Variants in POTEI observed in about 807,000 individuals in gnomAD.
The protein encoded by POTEI is POTE ankyrin domain family member I.
Under a neutral mutation model 43.4 loss-of-function variants are expected in POTEI, and 14 were observed. That is an observed-to-expected ratio of 0.32 (90% CI 0.21 to 0.50). POTEI has a LOEUF of 0.50. Among genes scored for constraint, POTEI ranks in the 20% least tolerant of loss-of-function variants. The probability of loss-of-function intolerance (pLI) is 0.98; values close to 1 mark genes in which losing one functional copy is unlikely to be tolerated. For synonymous variants in POTEI, 95 were observed against 297.9 expected, an observed-to-expected ratio of 0.32 and a Z score of 7.01; for missense variants, 235 against 795.4, an observed-to-expected ratio of 0.30 and a Z score of 8.47.
In POTEI at chr2:130,508,807, G is replaced by T; in HGVS notation, c.429C>A (p.Leu143=). Residue 143 remains leucine, a synonymous_variant, in exon 1 of 15, where the codon CTC becomes CTA. Transcript: ENST00000451531. The part of the protein sequence containing the change: ...YHVRREDLDK[L]HRAAWWGKVA... ...CTTTACCCCACCAGGCAGCTCTGTG[G>T]AGCTTGTCCAGATCTTCTCGACGGA... 6.6e-7 allele frequency: 1 copy of T among 1,510,018 alleles called. No individual in the cohort carries two copies. Among genetic ancestry groups the T allele is most frequent in the Non-Finnish European group, 8.8e-7 (1 of 1,132,746 alleles). 93.5% of individuals were successfully genotyped at this position (1,510,018 alleles called of 1,614,324 possible).
At chr2:130,485,071 G>T (rs1573926053) in intron 9 of POTEI, among the ~76,000 whole-genome samples, 5 of 152,380 alleles carry the variant, frequency 3.3e-5, no homozygotes, top group African/African-American at 1.2e-4. Context: ...GCCCAATTTT[G>T]GATCTGACAC....
intron 1 of POTEI, among the ~76,000 whole-genome samples, chr2:130,505,000 T>A (rs1386728299): frequency 7.2e-6 from 1 of 138,978 alleles, no homozygotes; most frequent in Admixed American, 7.2e-5. Flanking sequence ...GTTGTACAGA[T>A]TATTTCATTA....
intron 13 of POTEI, among the ~76,000 whole-genome samples, chr2:130,468,767 A>G (rs1682946606): frequency 6.6e-6 from 1 of 152,134 alleles, no homozygotes; most frequent in African/African-American, 2.4e-5. Flanking sequence ...CAAAATAGCA[A>G]TTTTTATTAC....
In POTEI at chr2:130,509,198, G is replaced by T; in HGVS notation, c.38C>A (p.Ser13Tyr). 6.8e-7 allele frequency: 1 copy of T among 1,480,982 alleles called. No homozygotes were observed. Among genetic ancestry groups the T allele is most frequent in the Non-Finnish European group, 9.1e-7 (1 of 1,102,162 alleles). 91.7% of individuals were successfully genotyped at this position (1,480,982 alleles called of 1,614,324 possible). ...AEVDSMPAAS[S>Y]VKKPFVLRSK... Reference sequence around the variant, plus strand: ...CCTGAGAACAAATGGCTTCTTCACAGAAGAGGCAGCCGGCATTGAATCAAC... The same window carrying T: ...CCTGAGAACAAATGGCTTCTTCACATAAGAGGCAGCCGGCATTGAATCAAC... Residue 13 changes from serine (S) to tyrosine (Y), a missense_variant, in exon 1 of 15, where the codon TCT becomes TAT. Physicochemically the swap from Ser to Tyr is moderately radical, Grantham distance 144. Transcript: ENST00000451531.
Position 130,507,027 on chromosome 2 carries a change from G to A in POTEI, c.521+1688C>T, listed in dbSNP as rs1396970317. Among the ~76,000 whole-genome samples the A allele has an allele frequency of 6.7e-5, 10 of 148,208 alleles. No individual in the cohort carries two copies. The South Asian group carries it at 1.8e-3, about 26-fold the overall frequency. ...CGCCTGTAACCCCAGCACTTGGGGA[G>A]GCCAAGGTGGGTGGATCACGAGGAC... On this transcript the variant is annotated intron_variant, in intron 1 of 14. Transcript: ENST00000451531.
chr2:130,480,481 G>A (rs1391248588), intron 10 of POTEI, among the ~76,000 whole-genome samples: 2 of 150,404 alleles, frequency 1.3e-5, no homozygotes, highest in Non-Finnish European at 1.5e-5. Context: ...TCCCAAACGG[G>A]CAATCTCATT....
intron 10 of POTEI, among the ~76,000 whole-genome samples, chr2:130,479,317 C>T (rs1683316765): frequency 6.7e-6 from 1 of 149,176 alleles, no homozygotes; most frequent in Admixed American, 6.7e-5. Flanking sequence ...TAACGAAGGC[C>T]AACATAGTAA....
Position 130,502,089 on chromosome 2 carries a change from C to T in POTEI, c.810+1357G>A, listed in dbSNP as rs62163634. Reference sequence around the variant, plus strand: ...AGAAAATTGTTGTTGTTGTCGTCGTCGTTGTTGTTGTTGTTGTTGTTAGAG... The same window carrying T: ...AGAAAATTGTTGTTGTTGTCGTCGTTGTTGTTGTTGTTGTTGTTGTTAGAG... On this transcript the variant is annotated intron_variant, in intron 3 of 14. Coordinates refer to ENST00000451531, the MANE Select transcript of POTEI (RefSeq NM_001277406.2). Among the ~76,000 whole-genome samples the T allele has an allele frequency of 9.5e-3, 460 of 48,436 alleles. 59 individuals carry two copies. Among genetic ancestry groups the T allele is most frequent in the East Asian group, 0.049 (4 of 82 alleles). The allele number at this position is 48,436 out of a possible 152,430, so 31.8% of individuals were successfully genotyped here. A position where few individuals can be genotyped will look rare whatever the true frequency, so the allele number is the denominator to read the frequency against.
intron 1 of POTEI, among the ~76,000 whole-genome samples, chr2:130,504,931 G>T: frequency 9.7e-6 from 1 of 102,720 alleles, no homozygotes; most frequent in African/African-American, 3.3e-5. Context: ...TTACATTCAG[G>T]GATACATGTG....
At chr2:130,507,327 C>T (rs1218560909) in intron 1 of POTEI, among the ~76,000 whole-genome samples, 17 of 74,982 alleles carry the variant, frequency 2.3e-4, no homozygotes, top group African/African-American at 4.6e-4. Context: ...TACACACACA[C>T]ACACACACAC....
Position 130,509,327 on chromosome 2 carries a change from A to G in POTEI, c.-92T>C. 1 of 600,984 alleles carries G rather than the reference A, an allele frequency of 1.7e-6. No homozygotes were observed. Among genetic ancestry groups the G allele is most frequent in the South Asian group, 2.0e-5 (1 of 49,084 alleles). The allele number at this position is 600,984 out of a possible 1,614,324, so 37.2% of individuals were successfully genotyped here. On this transcript the variant is annotated 5_prime_UTR_variant, in exon 1 of 15. Coordinates refer to ENST00000451531, the MANE Select transcript of POTEI (RefSeq NM_001277406.2). Reference sequence around the variant, plus strand: ...ACTAGCAGGTAACTCCGGGTTTCCAATCTGTTTGAAGAGAAAAGTCAATCC... The same window carrying G: ...ACTAGCAGGTAACTCCGGGTTTCCAGTCTGTTTGAAGAGAAAAGTCAATCC...
intron 13 of POTEI, among the ~76,000 whole-genome samples, chr2:130,468,960 TAA>T (rs1216474590): frequency 6.6e-6 from 1 of 151,460 alleles, no homozygotes; most frequent in Non-Finnish European, 1.5e-5. Context: ...AAAAGGAATT[TAA>T]AAACACAGAA....
intron 10 of POTEI, among the ~76,000 whole-genome samples, chr2:130,477,802 G>A (rs1404924595): frequency 2.1e-5 from 3 of 143,596 alleles, no homozygotes; most frequent in African/African-American, 8.3e-5. Context: ...ATTGAGACTA[G>A]CCAGATTAAA....
chr2:130,482,345 C>T (rs1683417965), intron 9 of POTEI, among the ~76,000 whole-genome samples: 1 of 148,644 alleles, frequency 6.7e-6, no homozygotes, highest in African/African-American at 2.6e-5. Flanking sequence ...AGTGTCCCAA[C>T]TCTAAATAAG....
At chr2:130,477,756 C>A (rs1683255102) in intron 10 of POTEI, among the ~76,000 whole-genome samples, 1 of 141,094 alleles carries the variant, frequency 7.1e-6, no homozygotes, top group Non-Finnish European at 1.5e-5. Flanking sequence ...TCAGAGATGG[C>A]TTTTCTAGAA....
intron 9 of POTEI, among the ~76,000 whole-genome samples, chr2:130,483,637 C>G (rs1054750446): frequency 8.4e-6 from 1 of 119,282 alleles, no homozygotes; most frequent in East Asian, 2.5e-4. Context: ...CTCTGTCACC[C>G]AGGCTGGAGT....
At position 130,461,391 on chromosome 2, in the gene POTEI, C is replaced by T. The variant is rs1682629473; in HGVS notation, c.*1425G>A. The T allele has an allele frequency of 6.6e-6, 1 of 151,944 alleles. No individual in the cohort carries two copies. Among genetic ancestry groups the T allele is most frequent in the African/African-American group, 2.4e-5 (1 of 41,240 alleles). 9.4% of individuals were successfully genotyped at this position (151,944 alleles called of 1,614,324 possible). A position where few individuals can be genotyped will look rare whatever the true frequency, so the allele number is the denominator to read the frequency against. ...GGCCAGAGAACAGCAGTCAAGGTAGCCAGAGACCCTGGTTGAAAGACTTCA... is the reference window on the plus strand; with the variant it reads ...GGCCAGAGAACAGCAGTCAAGGTAGTCAGAGACCCTGGTTGAAAGACTTCA... On this transcript the variant is annotated 3_prime_UTR_variant, in exon 15 of 15. Coordinates refer to ENST00000451531, the MANE Select transcript of POTEI (RefSeq NM_001277406.2).
intron 1 of POTEI, among the ~76,000 whole-genome samples, chr2:130,507,378 A>G (rs7577455): frequency 9.1e-3 from 17 of 1,868 alleles, no homozygotes; most frequent in East Asian, 0.17. Flanking sequence ...ATATGTATAT[A>G]TACATATGTA....
In POTEI at chr2:130,477,574, A is replaced by G. The variant is rs541985375; in HGVS notation, c.1481-873T>C. Among the ~76,000 whole-genome samples the G allele has an allele frequency of 1.8e-4, 27 of 148,908 alleles. No individual in the cohort carries two copies. In the East Asian group the frequency reaches 5.4e-3, roughly 30 times the overall value. On this transcript the variant is annotated intron_variant, in intron 10 of 14. Transcript: ENST00000451531. Reference sequence around the variant, plus strand: ...TTTTTCTACTGCATCTTGACCACCTAAACTGTACATTATTCCTCCACATGT... The same window carrying G: ...TTTTTCTACTGCATCTTGACCACCTGAACTGTACATTATTCCTCCACATGT...
Sources: allele counts gnomAD v4.1 joint callset (sites outside exome capture counted in the v4.1 genomes callset), GRCh38; gene constraint gnomAD v4.1.1; transcripts MANE v1.5; gene names NCBI Gene and HGNC (gene_info 2026-07-23, HGNC 2026-07-21).